The following XPO4 variants were observed in gnomAD, a reference collection of about 807,000 sequenced individuals.
XPO4 encodes the protein exportin 4.
In XPO4, 39 loss-of-function variants were observed where a neutral mutation model predicts 143.0. The observed-to-expected ratio is 0.27, with a 90% confidence interval of 0.21 to 0.36. The LOEUF is 0.36. XPO4 is among the 10% of genes least tolerant of loss of function. The pLI is 1.00. For missense variants in XPO4, 907 were observed against 1,348.0 expected (o/e 0.67, Z 5.12); for synonymous variants, 439 against 474.0 (o/e 0.93, Z 0.96).
chr13:20,800,927 A>T lies in XPO4; in HGVS notation c.1881T>A (p.Thr627=). 1 of 1,614,064 alleles carries T rather than the reference A, an allele frequency of 6.2e-7. No homozygotes were observed. Among genetic ancestry groups the T allele is most frequent in the Non-Finnish European group, 8.5e-7 (1 of 1,179,978 alleles). The part of the protein sequence containing the change: ...VESRAIRADL[T]HLLSPQMGKD... ...TGCCCATCTGGGGACTTAGTAGATG[A>T]GTGAGATCTGCTCTTATTGCTCGAG... Residue 627 remains threonine, a synonymous_variant, in exon 14 of 23, where the codon ACT becomes ACA. Coordinates refer to ENST00000255305, the MANE Select transcript of XPO4 (RefSeq NM_022459.5).
chr13:20,899,455 C>T (rs1325349640), intron 1 of XPO4, among the ~76,000 whole-genome samples: 1 of 152,062 alleles, frequency 6.6e-6, no homozygotes, highest in Non-Finnish European at 1.5e-5. Context: ...CAAGTCACTT[C>T]TACCTCTTTG....
chr13:20,779,556 G>C lies in XPO4; in HGVS notation c.*4166C>G, dbSNP rs1442845464. 1 of 152,478 alleles carries C rather than the reference G, an allele frequency of 6.6e-6. No homozygotes were observed. The highest frequency in any genetic ancestry group is 1.5e-5 in the Non-Finnish European group (1 of 68,034). 9.4% of individuals were successfully genotyped at this position (152,478 alleles called of 1,614,324 possible). On this transcript the variant is annotated 3_prime_UTR_variant, in exon 23 of 23. Transcript: ENST00000255305. ...AGGTGAAGATCAAACCACAGTGGGA[G>C]AGGAGGGTAAAGATGTGAGCTTCAA...
At position 20,862,782 on chromosome 13, in the gene XPO4, G is replaced by C. The variant is rs776345235; in HGVS notation, c.252C>G (p.Leu84=). The C allele has an allele frequency of 6.2e-6, 10 of 1,614,174 alleles. No homozygotes were observed. In the South Asian group the frequency reaches 1.1e-4, roughly 18 times the overall value. The change falls in exon 3 of 23, where the codon CTC becomes CTG. Residue 84 remains leucine (L), a synonymous_variant. Transcript: ENST00000255305. ...GAGACTCGATGCTACCTTTTTCCAA[G>C]AGAATCCACTCTCGGACAACTGCTT... ...IMEAVVREWI[L]LEKGSIESLR... is the part of the protein sequence containing the mutation.
intron 10 of XPO4, among the ~76,000 whole-genome samples, chr13:20,809,429 ACAAGAG>A (rs1160676959): frequency 2.0e-5 from 3 of 152,166 alleles, no homozygotes; most frequent in African/African-American, 7.2e-5. Flanking sequence ...GGGAAAACAT[ACAAGAG>A]CAAGAAGTAC....
intron 1 of XPO4, among the ~76,000 whole-genome samples, chr13:20,887,672 T>C (rs542590712): frequency 2.8e-4 from 43 of 151,914 alleles, no homozygotes; most frequent in South Asian, 1.7e-3. Flanking sequence ...CTGGCCAACA[T>C]GGTGAAACCT....
chr13:20,879,834 T>A (rs146657228), intron 1 of XPO4, among the ~76,000 whole-genome samples: 1 of 152,322 alleles, frequency 6.6e-6, no homozygotes, highest in East Asian at 1.9e-4. Flanking sequence ...AGAAGATTAA[T>A]ATCTGTAATC....
chr13:20,809,917 C>T lies in XPO4; in HGVS notation c.1224G>A (p.Glu408=). Residue 408 remains glutamate, a synonymous_variant, in exon 10 of 23, where the codon GAG becomes GAA. Coordinates refer to ENST00000255305, the MANE Select transcript of XPO4 (RefSeq NM_022459.5). ...VYMEAYDKLL[E]SWLTLVQDDK... is the part of the protein sequence containing the mutation. ...CATCTTGAACCAAAGTTAACCAGGA[C>T]TCCAACAATTTATCATATGCTTCCA... 1 of 1,613,738 alleles carries T rather than the reference C, an allele frequency of 6.2e-7. No homozygotes were observed. Among genetic ancestry groups the T allele is most frequent in the Non-Finnish European group, 8.5e-7 (1 of 1,179,796 alleles).
rs1348378542 is a variant in XPO4 at position 20,779,290 on chromosome 13, A to G, written c.*4432T>C. ...CACAATACCAACATTTGCAATTTGTAATAATTTTATGTGGTAAAAGACACC... is the reference window on the plus strand; with the variant it reads ...CACAATACCAACATTTGCAATTTGTGATAATTTTATGTGGTAAAAGACACC... On this transcript the variant is annotated 3_prime_UTR_variant, in exon 23 of 23. Transcript: ENST00000255305. 1.3e-5 allele frequency: 2 copies of G among 152,624 alleles called. No homozygotes were observed. The highest frequency in any genetic ancestry group is 4.8e-5 in the African/African-American group (2 of 41,456). 9.5% of individuals were successfully genotyped at this position (152,624 alleles called of 1,614,324 possible).
intron 18 of XPO4, among the ~76,000 whole-genome samples, chr13:20,793,273 TTTC>T (rs1251809615): frequency 2.6e-5 from 4 of 152,216 alleles, no homozygotes; most frequent in African/African-American, 9.6e-5. Flanking sequence ...TTCATTTTTG[TTTC>T]TTCTGAATTT....
intron 9 of XPO4, among the ~76,000 whole-genome samples, chr13:20,812,165 G>A (rs2059591127): frequency 6.6e-6 from 1 of 152,100 alleles, no homozygotes; most frequent in Non-Finnish European, 1.5e-5. Context: ...GAGGTCAGGG[G>A]TTCAAGACCA....
At chr13:20,850,066 A>G (rs1053532822) in intron 4 of XPO4, 2 of 941,336 alleles carry the variant, frequency 2.1e-6, no homozygotes, top group Non-Finnish European at 2.5e-6. Flanking sequence ...AGTTCATGCC[A>G]ATGCACTCCA....
intron 16 of XPO4, 25 bp from the exon 17 acceptor site, chr13:20,797,082 C>A (rs756056911): frequency 6.5e-7 from 1 of 1,545,240 alleles, no homozygotes; most frequent in Non-Finnish European, 8.7e-7. Flanking sequence ...CAGGAATTTT[C>A]TTAAAGCTCA....
Position 20,898,333 on chromosome 13 carries a change from G to A in XPO4, c.69+4337C>T, listed in dbSNP as rs188679568. Among the ~76,000 whole-genome samples, 502 of 152,306 alleles carry A rather than the reference G, an allele frequency of 3.3e-3. 1 individual carries two copies. Among genetic ancestry groups the A allele is most frequent in the African/African-American group, 0.012 (488 of 41,580 alleles). On this transcript the variant is annotated intron_variant, in intron 1 of 22. Transcript: ENST00000255305. ...TAATCCCAGCACTTTGGGAGACCAAGGTGGGAGGATAACCTGAGGTCAGGA... is the reference window on the plus strand; with the variant it reads ...TAATCCCAGCACTTTGGGAGACCAAAGTGGGAGGATAACCTGAGGTCAGGA...
intron 6 of XPO4, among the ~76,000 whole-genome samples, chr13:20,841,654 G>A (rs1228600542): frequency 3.3e-5 from 5 of 151,916 alleles, no homozygotes; most frequent in Non-Finnish European, 7.4e-5. Context: ...ACCTGACAGA[G>A]CCCTTCACAG....
intron 1 of XPO4, among the ~76,000 whole-genome samples, chr13:20,884,709 G>A (rs888568376): frequency 3.9e-5 from 6 of 152,062 alleles, no homozygotes; most frequent in African/African-American, 4.8e-5. Context: ...AACTGCACGT[G>A]GCCAAGTATT....
chr13:20,845,193 A>C (rs1432552539), intron 4 of XPO4, among the ~76,000 whole-genome samples: 1 of 152,148 alleles, frequency 6.6e-6, no homozygotes, highest in African/African-American at 2.4e-5. Flanking sequence ...AGTAAACATA[A>C]AGTTAAATTC....
chr13:20,853,201 C>CTAATT, intron 4 of XPO4: 2 of 237,278 alleles, frequency 8.4e-6, no homozygotes, highest in Non-Finnish European at 1.4e-5. Flanking sequence ...GGAGTGGTGG[C>CTAATT]TTGTGCCGAT....
chr13:20,873,789 C>T (rs1771519649), intron 1 of XPO4, among the ~76,000 whole-genome samples: 1 of 152,178 alleles, frequency 6.6e-6, no homozygotes, highest in Non-Finnish European at 1.5e-5. Flanking sequence ...CACCACCATG[C>T]CCAGCTAATT....
intron 1 of XPO4, among the ~76,000 whole-genome samples, chr13:20,885,299 G>A (rs2060451211): frequency 6.6e-6 from 1 of 152,158 alleles, no homozygotes; most frequent in African/African-American, 2.4e-5. Flanking sequence ...GGCTGGGACA[G>A]AATATACATA....
Sources: allele counts gnomAD v4.1 joint callset (sites outside exome capture counted in the v4.1 genomes callset), GRCh38; gene constraint gnomAD v4.1.1; transcripts MANE v1.5; gene names NCBI Gene and HGNC (gene_info 2026-07-23, HGNC 2026-07-21).